SIRPG: variants seen among roughly 807,000 people sequenced by gnomAD.
SIRPG encodes the protein signal regulatory protein gamma.
A neutral mutation model predicts 35.7 loss-of-function variants in SIRPG; 38 were observed. That is an observed-to-expected ratio of 1.06 (90% CI 0.82 to 1.40). The LOEUF is 1.40. Among genes scored for constraint, SIRPG ranks in the 40% most tolerant of loss-of-function variants. The probability of loss-of-function intolerance (pLI) is 0.00; values close to 1 mark genes in which losing one functional copy is unlikely to be tolerated. For synonymous variants in SIRPG, 215 were observed against 190.4 expected (o/e 1.13, Z -1.06); for missense variants, 519 against 483.0 (o/e 1.07, Z -0.70).
At chr20:1,677,729 T>C in the SIRPG span, among the ~76,000 whole-genome samples, 1 of 152,128 alleles carries the variant, frequency 6.6e-6, no homozygotes, top group Non-Finnish European at 1.5e-5. Context: ...AAGTCAAGTA[T>C]GTAAAGGTGA....
the SIRPG span, among the ~76,000 whole-genome samples, chr20:1,685,606 A>T: frequency 6.6e-6 from 1 of 152,176 alleles, no homozygotes. Flanking sequence ...AGTCTGTAGT[A>T]CTTTGTTATG....
At chr20:1,681,830 T>C in the SIRPG span, among the ~76,000 whole-genome samples, 1 of 152,112 alleles carries the variant, frequency 6.6e-6, no homozygotes, top group African/African-American at 2.4e-5. Flanking sequence ...AGTGAGACCT[T>C]GACTCAAAAA....
rs1355539089 is a variant in SIRPG, at chr20:1,649,108, C to T, written c.374G>A (p.Gly125Glu). The stretch of plus-strand genomic sequence containing the variant: ...CTTAAACTCCACGTTCTCAGGGCTC[C>T]CTTTTCGAAACTTCACACAGTAGTA... The part of the protein sequence containing the change: ...GTYYCVKFRK[G>E]SPENVEFKSG... The change falls in exon 2 of 6, where the codon GGG becomes GAG. Residue 125 changes from glycine (G) to glutamate (E), a missense_variant. Physicochemically the swap from Gly to Glu is moderately conservative, Grantham distance 98 (BLOSUM62 -2). Coordinates refer to ENST00000303415, the MANE Select transcript of SIRPG (RefSeq NM_018556.4). 1.9e-6 allele frequency: 3 copies of T among 1,613,884 alleles called. No homozygotes were observed. Among genetic ancestry groups the T allele is most frequent in the Admixed American group, 1.7e-5 (1 of 60,000 alleles).
chr20:1,631,195 T>C (rs919730564), intron 4 of SIRPG, among the ~76,000 whole-genome samples: 5 of 152,308 alleles, frequency 3.3e-5, no homozygotes, highest in African/African-American at 4.8e-5. Flanking sequence ...AAAATGGTGC[T>C]GGTGGGTCCT....
intron 4 of SIRPG, among the ~76,000 whole-genome samples, chr20:1,634,859 C>A (rs370143702): frequency 2.0e-4 from 30 of 151,694 alleles, no homozygotes; most frequent in African/African-American, 5.8e-4. Flanking sequence ...CTGGCTAACA[C>A]GGTGAAACCC....
chr20:1,647,085 GT>G (rs1293947153), intron 2 of SIRPG: 1 of 149,788 alleles, frequency 6.7e-6, no homozygotes, highest in Non-Finnish European at 1.5e-5. Context: ...AGTCAGGCTG[GT>G]GGGGAGGAAA....
At chr20:1,686,101 T>C in the SIRPG span, among the ~76,000 whole-genome samples, 1 of 152,198 alleles carries the variant, frequency 6.6e-6, no homozygotes, top group Non-Finnish European at 1.5e-5. Flanking sequence ...ATTTTTAAAA[T>C]GTAACTAATT....
intron 2 of SIRPG, chr20:1,646,251 G>A (rs1404687938): frequency 4.6e-5 from 7 of 152,256 alleles, no homozygotes; most frequent in East Asian, 1.9e-4. Flanking sequence ...TGCAATTCAA[G>A]GGAGAAGCCT....
At chr20:1,669,316 C>G in the SIRPG span, among the ~76,000 whole-genome samples, 1 of 152,216 alleles carries the variant, frequency 6.6e-6, no homozygotes, top group South Asian at 2.1e-4. Flanking sequence ...TGTAAAACTC[C>G]AAACTACTGG....
chr20:1,665,562 G>T, the SIRPG span, among the ~76,000 whole-genome samples: 2 of 152,140 alleles, frequency 1.3e-5, no homozygotes, highest in African/African-American at 2.4e-5. Flanking sequence ...AGGGAAAGAG[G>T]CTCCTTCTTT....
intron 4 of SIRPG, among the ~76,000 whole-genome samples, chr20:1,634,363 C>T (rs528789974): frequency 1.1e-4 from 16 of 151,946 alleles, no homozygotes; most frequent in Admixed American, 6.5e-4. Context: ...CCCGCCACCA[C>T]GCCCGGCTCA....
At chr20:1,648,634 T>TAATAAAATAA (rs368066718) in intron 2 of SIRPG, among the ~76,000 whole-genome samples, 7,731 of 151,610 alleles carry the variant, frequency 0.051, 229 homozygotes, top group African/African-American at 0.07. Flanking sequence ...ACTTAAAGTA[T>TAATAAAATAA]AATAAAATAA....
At chr20:1,639,552 T>G (rs573917590) in intron 2 of SIRPG, among the ~76,000 whole-genome samples, 81 of 152,328 alleles carry the variant, frequency 5.3e-4, no homozygotes, top group African/African-American at 1.8e-3. Context: ...TTGCAAAAAT[T>G]TTCTCCCATT....
chr20:1,630,044 C>T (rs1371826245), intron 5 of SIRPG, among the ~76,000 whole-genome samples, 178 bp downstream of exon 5: 3 of 152,176 alleles, frequency 2.0e-5, no homozygotes, highest in Non-Finnish European at 2.9e-5. Context: ...ACATTGTACA[C>T]CACCCACATA....
chr20:1,666,274 A>G, the SIRPG span: 9 of 152,266 alleles, frequency 5.9e-5, no homozygotes, highest in African/African-American at 2.2e-4. Flanking sequence ...TAAAAACCTC[A>G]TAACATGAAA....
At chr20:1,675,402 G>C in the SIRPG span, among the ~76,000 whole-genome samples, 1 of 152,202 alleles carries the variant, frequency 6.6e-6, no homozygotes, top group Non-Finnish European at 1.5e-5. Flanking sequence ...CCTTTCTAAA[G>C]AGAGTGTAAA....
intron 1 of SIRPG, among the ~76,000 whole-genome samples, chr20:1,657,239 G>A (rs1424110245): frequency 1.3e-5 from 2 of 152,198 alleles, no homozygotes; most frequent in Non-Finnish European, 2.9e-5. Flanking sequence ...TAGTTACTGA[G>A]TCTGTGGTGC....
At chr20:1,685,181 C>G in the SIRPG span, among the ~76,000 whole-genome samples, 3 of 152,152 alleles carry the variant, frequency 2.0e-5, no homozygotes. Flanking sequence ...GTCTTCCAAT[C>G]CTGCCTGTCC....
intron 2 of SIRPG, 66 bp from the exon 3 acceptor site, chr20:1,636,571 G>T: frequency 6.6e-7 from 1 of 1,512,670 alleles, no homozygotes; most frequent in South Asian, 1.1e-5. Flanking sequence ...ATGAGTGTGT[G>T]ACACTGTTAA....
Sources: gnomAD v4.1 joint callset for allele counts (sites outside exome capture counted in the v4.1 genomes callset) on GRCh38, gnomAD v4.1.1 for gene constraint, MANE v1.5 for transcripts, NCBI Gene and HGNC (gene_info 2026-07-23, HGNC 2026-07-21) for gene names.